The following LRTM3 variants were observed in gnomAD, a reference collection of about 807,000 sequenced individuals.
The protein encoded by LRTM3 is leucine-rich repeat transmembrane protein 3.
At chr13:102,738,225 C>T in the LRTM3 span, 16 of 1,550,588 alleles carry the variant, frequency 1.0e-5, no homozygotes, top group East Asian at 7.3e-5. Context: ...TTTACTTCAT[C>T]GTCTTCTTTC....
chr13:102,732,576 C>CT, the LRTM3 span: 1 of 1,551,118 alleles, frequency 6.4e-7, no homozygotes, highest in South Asian at 1.2e-5. Flanking sequence ...GCTTCTAGTT[C>CT]TTTTTTCTGC....
chr13:102,739,846 A>G, the LRTM3 span: 2 of 1,549,886 alleles, frequency 1.3e-6, no homozygotes, highest in East Asian at 4.9e-5. Flanking sequence ...AATCTATTTC[A>G]CTCATTCTAT....
the LRTM3 span, chr13:102,734,987 AG>A: frequency 1.9e-6 from 3 of 1,551,146 alleles, no homozygotes; most frequent in Non-Finnish European, 2.6e-6. Flanking sequence ...TGATACCTGG[AG>A]TTTTACTAGG....
the LRTM3 span, among the ~76,000 whole-genome samples, chr13:102,756,410 C>T: frequency 5.3e-4 from 80 of 151,274 alleles, no homozygotes; most frequent in African/African-American, 1.8e-3. Context: ...CAGTGGCTCA[C>T]GACTGTAATC....
the LRTM3 span, chr13:102,747,845 G>T: frequency 3.5e-5 from 54 of 1,551,104 alleles, no homozygotes; most frequent in African/African-American, 7.0e-4. Flanking sequence ...TTTATTTGGG[G>T]CTTTACTACT....
chr13:102,752,260 G>A, the LRTM3 span, among the ~76,000 whole-genome samples: 1 of 152,152 alleles, frequency 6.6e-6, no homozygotes, highest in Non-Finnish European at 1.5e-5. Flanking sequence ...GAGGAATGAA[G>A]CTCAATTGCT....
At chr13:102,748,923 C>A in the LRTM3 span, 1 of 1,550,494 alleles carries the variant, frequency 6.4e-7, no homozygotes, top group Non-Finnish European at 8.7e-7. Context: ...TCAAGAGGAC[C>A]TGCATAATTG....
the LRTM3 span, chr13:102,732,982 G>A: frequency 6.4e-7 from 1 of 1,551,448 alleles, no homozygotes; most frequent in Non-Finnish European, 8.7e-7. Context: ...GTTCTGAAAT[G>A]AGCAATGCCT....
the LRTM3 span, chr13:102,744,336 G>A: frequency 6.5e-7 from 1 of 1,550,318 alleles, no homozygotes; most frequent in Non-Finnish European, 8.7e-7. Context: ...AAGACTGTTT[G>A]TAAGTTTTTT....
chr13:102,733,542 C>G, the LRTM3 span: 1 of 1,551,212 alleles, frequency 6.4e-7, no homozygotes, highest in East Asian at 2.4e-5. Flanking sequence ...TTTAAGTTAT[C>G]CATTATTTCA....
chr13:102,734,865 C>G, the LRTM3 span: 6 of 1,550,922 alleles, frequency 3.9e-6, no homozygotes, highest in Admixed American at 3.9e-5. Flanking sequence ...AAGATGCTTA[C>G]TATTTGCACG....
the LRTM3 span, chr13:102,733,245 T>C: frequency 1.3e-6 from 2 of 1,551,440 alleles, no homozygotes; most frequent in Non-Finnish European, 8.7e-7. Flanking sequence ...GCATTCCAGT[T>C]GGTGACGATA....
At chr13:102,740,521 C>A in the LRTM3 span, 1 of 1,549,702 alleles carries the variant, frequency 6.5e-7, no homozygotes, top group South Asian at 1.2e-5. Flanking sequence ...GTAGGTACTG[C>A]CATTTTTGGC....
chr13:102,736,404 A>T, the LRTM3 span: 2 of 1,551,060 alleles, frequency 1.3e-6, no homozygotes, highest in Non-Finnish European at 1.7e-6. Flanking sequence ...CCATGCATGG[A>T]TACTGTTTGT....
the LRTM3 span, chr13:102,748,321 A>T: frequency 6.4e-7 from 1 of 1,550,960 alleles, no homozygotes; most frequent in African/African-American, 1.4e-5. Flanking sequence ...CACTTTCTGT[A>T]TTCACTTGAA....
At chr13:102,736,244 C>A in the LRTM3 span, 1 of 1,550,128 alleles carries the variant, frequency 6.5e-7, no homozygotes, top group East Asian at 2.4e-5. Context: ...ATGAGGACGT[C>A]CTGTCCTGTC....
chr13:102,738,414 AAGG>A, the LRTM3 span: 2 of 1,550,700 alleles, frequency 1.3e-6, no homozygotes, highest in African/African-American at 1.4e-5. Flanking sequence ...TGTAAATGAG[AAGG>A]AGAAGGAATG....
the LRTM3 span, chr13:102,740,474 C>A: frequency 1.3e-6 from 2 of 1,550,078 alleles, no homozygotes; most frequent in Admixed American, 2.0e-5. Flanking sequence ...CTTTTGAGGG[C>A]AAGATATATG....
chr13:102,747,701 C>G, the LRTM3 span: 1 of 1,551,152 alleles, frequency 6.4e-7, no homozygotes, highest in East Asian at 2.4e-5. Context: ...CTTTGGATCT[C>G]CGGCACTCTC....
Sources: allele counts gnomAD v4.1 joint callset (sites outside exome capture counted in the v4.1 genomes callset), GRCh38; gene constraint gnomAD v4.1.1; transcripts MANE v1.5; gene names NCBI Gene and HGNC (gene_info 2026-07-23, HGNC 2026-07-21).